Variants in PRKD1 observed in about 807,000 individuals in gnomAD.
PRKD1 encodes serine/threonine-protein kinase D1.
In PRKD1, 63 loss-of-function variants were observed where a neutral mutation model predicts 95.9. The observed-to-expected ratio is 0.66, with a 90% CI of 0.54 to 0.81. The LOEUF (loss-of-function observed/expected upper bound fraction) is 0.81. Ranked by LOEUF, PRKD1 falls within the 30% of genes least tolerant of loss-of-function variation. The pLI is 0.00. For synonymous variants in PRKD1, 425 were observed against 423.1 expected (o/e 1.00, Z -0.05); for missense variants, 1,048 against 1,165.3 (o/e 0.90, Z 1.47).
At chr14:29,825,941 G>A (rs988044280) in intron 1 of PRKD1, among the ~76,000 whole-genome samples, 1 of 151,790 alleles carries the variant, frequency 6.6e-6, no homozygotes, top group Non-Finnish European at 1.5e-5. Context: ...GGCTTCTTGA[G>A]AGTACTATGC....
rs185655961 is a variant in PRKD1 at position 29,765,483 on chromosome 14, T to C, written c.265-39809A>G. On this transcript the variant is annotated intron_variant, in intron 1 of 17. Transcript: ENST00000331968. ...CATTTCAGAAACATTTGGCTTTTTC[T>C]TGTAAAGTTGGAGAAACACATATGC... Among the ~76,000 whole-genome samples, 461 of 152,308 alleles carry C rather than the reference T, an allele frequency of 3.0e-3. 2 individuals carry two copies. Among genetic ancestry groups the C allele is most frequent in the African/African-American group, 0.01 (433 of 41,560 alleles).
At chr14:29,802,845 T>C (rs575291091) in intron 1 of PRKD1, among the ~76,000 whole-genome samples, 5 of 152,212 alleles carry the variant, frequency 3.3e-5, no homozygotes, top group Non-Finnish European at 7.3e-5. Context: ...AGAAAGGCAA[T>C]ATCCAAGAAA....
chr14:29,927,623 G>T lies in PRKD1; in HGVS notation c.-111C>A. On this transcript the variant is annotated 5_prime_UTR_variant, in exon 1 of 18. Coordinates refer to ENST00000331968, the MANE Select transcript of PRKD1 (RefSeq NM_002742.3). ...GCTTCTTTCTCCGAGAGCCCAGACG[G>T]AAAATAAAAACTTTCCGGAAAAGTC... is the stretch of plus-strand genomic sequence containing the variant. 1.2e-6 allele frequency: 1 copy of T among 859,152 alleles called. No homozygotes were observed. Among genetic ancestry groups the T allele is most frequent in the East Asian group, 1.1e-4 (1 of 9,310 alleles). The allele number at this position is 859,152 out of a possible 1,614,324, so 53.2% of individuals were successfully genotyped here.
chr14:29,741,787 T>A (rs1953728), intron 1 of PRKD1, among the ~76,000 whole-genome samples: 26,910 of 152,112 alleles, frequency 0.18, 2,637 homozygotes, highest in South Asian at 0.26. Flanking sequence ...TTACTGACAC[T>A]TATATTCATT....
At position 29,638,779 on chromosome 14, in the gene PRKD1, G is replaced by C; in HGVS notation, c.822C>G (p.Val274=). The stretch of plus-strand genomic sequence containing the variant: ...CTGTGGGCCGGGTGTAGGAGTGGAT[G>C]ACAAATGTGTGCGGCACTTTAACTT... The part of the protein sequence containing the change: ...MSKVKVPHTF[V]IHSYTRPTVC... Residue 274 remains valine (V), a synonymous_variant, in exon 5 of 18, where the codon GTC becomes GTG. Transcript: ENST00000331968. 1 of 1,613,468 alleles carries C rather than the reference G, an allele frequency of 6.2e-7. No homozygotes were observed. Among genetic ancestry groups the C allele is most frequent in the Non-Finnish European group, 8.5e-7 (1 of 1,179,726 alleles).
chr14:29,706,825 C>G (rs529283152), intron 2 of PRKD1, among the ~76,000 whole-genome samples: 3 of 151,948 alleles, frequency 2.0e-5, no homozygotes, highest in African/African-American at 7.3e-5. Context: ...GAAGGGAACA[C>G]CTGGTAGAAA....
At chr14:29,631,125 C>A in intron 9 of PRKD1, 104 bp from the exon 10 acceptor site, 3 of 1,096,906 alleles carry the variant, frequency 2.7e-6, no homozygotes, top group Non-Finnish European at 2.6e-6. Flanking sequence ...CAAATAGCCA[C>A]CATTTAAATA....
At chr14:29,606,852 A>T (rs534566641) in intron 13 of PRKD1, among the ~76,000 whole-genome samples, 31 of 152,302 alleles carry the variant, frequency 2.0e-4, no homozygotes, top group African/African-American at 6.5e-4. Context: ...AACAGGTTTG[A>T]CTACAAGGAA....
chr14:29,687,603 G>C (rs1161164077), intron 2 of PRKD1, among the ~76,000 whole-genome samples: 1 of 152,208 alleles, frequency 6.6e-6, no homozygotes, highest in African/African-American at 2.4e-5. Flanking sequence ...TGGAGAAGTT[G>C]TCTTTAGTTA....
intron 2 of PRKD1, among the ~76,000 whole-genome samples, chr14:29,690,946 T>G (rs1884197228): frequency 6.6e-6 from 1 of 152,182 alleles, no homozygotes; most frequent in African/African-American, 2.4e-5. Flanking sequence ...TGTGCTTGTC[T>G]TTACCGTGGT....
intron 1 of PRKD1, among the ~76,000 whole-genome samples, chr14:29,891,940 T>C (rs1893951384): frequency 6.6e-6 from 1 of 152,182 alleles, no homozygotes; most frequent in African/African-American, 2.4e-5. Context: ...CCTCTTAAAA[T>C]TTCTGAGTTT....
At chr14:29,747,337 A>C (rs1051724927) in intron 1 of PRKD1, among the ~76,000 whole-genome samples, 2 of 152,238 alleles carry the variant, frequency 1.3e-5, no homozygotes, top group African/African-American at 4.8e-5. Flanking sequence ...GAACACCTGT[A>C]CATTGCTGAT....
intron 1 of PRKD1, among the ~76,000 whole-genome samples, chr14:29,805,294 T>C (rs1329545449): frequency 7.9e-5 from 12 of 152,226 alleles, no homozygotes; most frequent in Admixed American, 6.5e-4. Flanking sequence ...AAGAGGTATT[T>C]GACCATAACA....
intron 1 of PRKD1, among the ~76,000 whole-genome samples, chr14:29,728,032 G>T (rs1886247588): frequency 6.6e-6 from 1 of 151,568 alleles, no homozygotes; most frequent in Non-Finnish European, 1.5e-5. Flanking sequence ...AGGGGGGAGG[G>T]ATAGCATTGG....
At chr14:29,680,519 G>A (rs763046948) in intron 2 of PRKD1, among the ~76,000 whole-genome samples, 21 of 152,174 alleles carry the variant, frequency 1.4e-4, no homozygotes, top group Non-Finnish European at 2.8e-4. Flanking sequence ...ATATGACTCC[G>A]TTTGTTGTTT....
intron 13 of PRKD1, among the ~76,000 whole-genome samples, chr14:29,609,503 C>A (rs200224810): frequency 1.6e-5 from 1 of 60,942 alleles, no homozygotes; most frequent in East Asian, 4.3e-4. Flanking sequence ...TGTGTGTGTG[C>A]GTGCACACAC....
At position 29,860,510 on chromosome 14, in the gene PRKD1, T is replaced by TATCA. The variant is rs1374938168; in HGVS notation, c.264+66735_264+66738dup. Among the ~76,000 whole-genome samples, 3 of 152,174 alleles carry TATCA rather than the reference T, an allele frequency of 2.0e-5. No individual in the cohort carries two copies. The East Asian group carries it at 5.8e-4, about 29-fold the overall frequency. Reference sequence around the variant, plus strand: ...CAACCCAAGAAACACTACATTGAGATATCACGTTAATTCAAACTTGAGCTC... The same window carrying TATCA: ...CAACCCAAGAAACACTACATTGAGATATCAATCACGTTAATTCAAACTTGAGCTC... On this transcript the variant is annotated intron_variant, in intron 1 of 17. Transcript: ENST00000331968.
Position 29,769,682 on chromosome 14 carries a change from T to C in PRKD1, c.265-44008A>G, listed in dbSNP as rs546303400. 2.0e-5 allele frequency among the ~76,000 whole-genome samples: 3 copies of C among 152,320 alleles called. No homozygotes were observed. The East Asian group carries it at 5.8e-4, about 29-fold the overall frequency. ...ATTTTGACACCCAACCCACTGTATA[T>C]TTAGGAAACTAACAAACTATATACC... On this transcript the variant is annotated intron_variant, in intron 1 of 17. Transcript: ENST00000331968.
At chr14:29,608,823 G>C (rs1353791975) in intron 13 of PRKD1, among the ~76,000 whole-genome samples, 2 of 152,130 alleles carry the variant, frequency 1.3e-5, no homozygotes, top group African/African-American at 2.4e-5. Flanking sequence ...TTCATCTTCA[G>C]TTGGCAAAAA....
Sources: gnomAD v4.1 joint callset for allele counts (sites outside exome capture counted in the v4.1 genomes callset) on GRCh38, gnomAD v4.1.1 for gene constraint, MANE v1.5 for transcripts, NCBI Gene and HGNC (gene_info 2026-07-23, HGNC 2026-07-21) for gene names.